ARHGEF7: variants seen among roughly 807,000 people sequenced by gnomAD.
The protein encoded by ARHGEF7 is PAK-interacting exchange factor beta.
Under a neutral mutation model 109.8 loss-of-function variants are expected in ARHGEF7, and 33 were observed. That is an observed-to-expected ratio of 0.30 (90% confidence interval 0.23 to 0.40). The LOEUF (loss-of-function observed/expected upper bound fraction) is 0.40. Among genes scored for constraint, ARHGEF7 ranks in the 10% least tolerant of loss-of-function variants. The probability of loss-of-function intolerance (pLI) is 1.00; values close to 1 mark genes in which losing one functional copy is unlikely to be tolerated. For missense variants in ARHGEF7, 938 were observed against 1,098.5 expected, an observed-to-expected ratio of 0.85 and a Z score of 2.07; for synonymous variants, 458 against 424.6, an observed-to-expected ratio of 1.08 and a Z score of -0.97.
chr13:111,287,491 C>T (rs1390287856), intron 17 of ARHGEF7, among the ~76,000 whole-genome samples: 3 of 152,328 alleles, frequency 2.0e-5, no homozygotes, highest in African/African-American at 7.2e-5. Flanking sequence ...CGAAAGAGAT[C>T]CCTGTTCTCA....
At chr13:111,238,841 A>G (rs2087241823) in intron 6 of ARHGEF7, among the ~76,000 whole-genome samples, 2 of 152,000 alleles carry the variant, frequency 1.3e-5, no homozygotes, top group Admixed American at 6.5e-5. Flanking sequence ...GATATACACT[A>G]TGGTTTGATT....
intron 6 of ARHGEF7, chr13:111,241,251 A>G (rs1439575640): frequency 6.5e-7 from 1 of 1,536,132 alleles, no homozygotes; most frequent in Admixed American, 2.0e-5. Flanking sequence ...CGTTGGTGGG[A>G]TGGAGCTGTG....
intron 21 of ARHGEF7, among the ~76,000 whole-genome samples, 192 bp downstream of exon 21, chr13:111,301,724 C>G (rs539137629): frequency 6.6e-6 from 1 of 152,170 alleles, no homozygotes; most frequent in South Asian, 2.1e-4. Context: ...AAAAACCCAT[C>G]TCTACTGAAA....
intron 1 of ARHGEF7, among the ~76,000 whole-genome samples, chr13:111,147,823 A>G (rs1328380467): frequency 1.4e-4 from 20 of 146,844 alleles, no homozygotes; most frequent in East Asian, 8.1e-4. Flanking sequence ...TCAGCCTCCC[A>G]AGTAGCTGGG....
chr13:111,280,471 G>A (rs1445976192), intron 14 of ARHGEF7, 67 bp from the exon 15 acceptor site: 38 of 1,580,574 alleles, frequency 2.4e-5, no homozygotes, highest in Non-Finnish European at 3.2e-5. Context: ...GGAATTCTGG[G>A]GGGTGTGCAC....
chr13:111,283,716 G>A (rs1482572453), intron 16 of ARHGEF7, among the ~76,000 whole-genome samples: 1 of 152,220 alleles, frequency 6.6e-6, no homozygotes, highest in African/African-American at 2.4e-5. Context: ...TCTGCACGCT[G>A]TCTGCTGCGT....
chr13:111,226,469 A>G (rs1454067231), intron 5 of ARHGEF7, among the ~76,000 whole-genome samples: 1 of 152,226 alleles, frequency 6.6e-6, no homozygotes, highest in Non-Finnish European at 1.5e-5. Flanking sequence ...AGTACCCTTA[A>G]GAATTATGCT....
intron 2 of ARHGEF7, among the ~76,000 whole-genome samples, chr13:111,192,693 T>C (rs1016215745): frequency 6.6e-6 from 1 of 152,158 alleles, no homozygotes; most frequent in South Asian, 2.1e-4. Context: ...GCAGTGAAGG[T>C]GATATTGTAT....
intron 3 of ARHGEF7, among the ~76,000 whole-genome samples, chr13:111,205,920 A>G (rs2081772066): frequency 6.6e-6 from 1 of 152,014 alleles, no homozygotes; most frequent in Non-Finnish European, 1.5e-5. Flanking sequence ...TGCCCCTCTC[A>G]TGGGCCACAG....
intron 2 of ARHGEF7, chr13:111,203,253 T>G (rs980585469): frequency 2.3e-6 from 1 of 435,328 alleles, no homozygotes; most frequent in African/African-American, 2.1e-5. Context: ...TTAAAAATGT[T>G]ATGATGAAGA....
chr13:111,202,654 T>C (rs2081336753), intron 2 of ARHGEF7, among the ~76,000 whole-genome samples: 1 of 152,258 alleles, frequency 6.6e-6, no homozygotes, highest in Non-Finnish European at 1.5e-5. Flanking sequence ...CTAAATGTCA[T>C]GGTAATTCTT....
chr13:111,293,434 T>C, intron 19 of ARHGEF7: 1 of 864,418 alleles, frequency 1.2e-6, no homozygotes, highest in Non-Finnish European at 1.3e-6. Flanking sequence ...GGCTCACTTA[T>C]TTAAAAAAAA....
At chr13:111,271,632 G>T (rs1052604501) in intron 9 of ARHGEF7, among the ~76,000 whole-genome samples, 9 of 152,172 alleles carry the variant, frequency 5.9e-5, no homozygotes, top group African/African-American at 1.9e-4. Context: ...ACTTGCTCTC[G>T]TGCGTGCGTG....
chr13:111,297,743 C>T (rs751566681), intron 19 of ARHGEF7, among the ~76,000 whole-genome samples: 8 of 152,304 alleles, frequency 5.3e-5, no homozygotes, highest in South Asian at 2.1e-4. Context: ...AACTCCCGTA[C>T]GGAAGTCGAC....
intron 1 of ARHGEF7, among the ~76,000 whole-genome samples, chr13:111,146,167 G>A (rs919819363): frequency 6.6e-6 from 1 of 152,178 alleles, no homozygotes; most frequent in South Asian, 2.1e-4. Flanking sequence ...GCAAAGACCT[G>A]GGGTGACCTT....
At position 111,205,323 on chromosome 13, in the gene ARHGEF7, A is replaced by G. The variant is rs2153466618; in HGVS notation, c.287A>G (p.Asn96Ser). The change falls in exon 3 of 22, where the codon AAT becomes AGT. Residue 96 changes from asparagine to serine, a missense_variant. Coordinates refer to ENST00000646102, the MANE Select transcript of ARHGEF7 (RefSeq NM_001354046.2). ...GCAAATGATTTGTATCAGGGGCAGA[A>G]TTTTAACAAGGTCCTCAGTTCCTTA... Reference protein sequence around the residue: ...FDANDLYQGQNFNKVLSSLVT... With the variant: ...FDANDLYQGQSFNKVLSSLVT... 1 of 1,602,338 alleles carries G rather than the reference A, an allele frequency of 6.2e-7. No individual in the cohort carries two copies. Among genetic ancestry groups the G allele is most frequent in the East Asian group, 2.2e-5 (1 of 44,526 alleles).
At chr13:111,209,761 T>C (rs2082278566) in intron 3 of ARHGEF7, 111 bp from the exon 4 acceptor site, 1 of 1,256,162 alleles carries the variant, frequency 8.0e-7, no homozygotes, top group East Asian at 2.4e-5. Flanking sequence ...TTTGTTGTGG[T>C]CTTTTGGTGT....
chr13:111,146,112 A>G (rs900472872), intron 1 of ARHGEF7, among the ~76,000 whole-genome samples: 3 of 152,218 alleles, frequency 2.0e-5, no homozygotes, highest in Non-Finnish European at 4.4e-5. Flanking sequence ...AACCACATGC[A>G]TTCAGAGGAA....
At position 111,252,774 on chromosome 13, in the gene ARHGEF7, G is replaced by A. The variant is rs1012027143; in HGVS notation, c.950+8480G>A. On this transcript the variant is annotated intron_variant, in intron 8 of 21. Transcript: ENST00000646102. ...AAAGATAAGAAAGCTAGGACACCAA[G>A]AGGGTGAGGGATGTGCCCAAGGTTA... Among the ~76,000 whole-genome samples the A allele has an allele frequency of 2.6e-5, 4 of 152,254 alleles. No homozygotes were observed. The East Asian group carries it at 7.7e-4, about 29-fold the overall frequency.
Sources: gnomAD v4.1 joint callset for allele counts (sites outside exome capture counted in the v4.1 genomes callset) on GRCh38, gnomAD v4.1.1 for gene constraint, MANE v1.5 for transcripts, NCBI Gene and HGNC (gene_info 2026-07-23, HGNC 2026-07-21) for gene names.